FDPS: variants seen among roughly 807,000 people sequenced by gnomAD.
The protein encoded by FDPS is farnesyl pyrophosphate synthase.
Under a neutral mutation model 49.5 loss-of-function variants are expected in FDPS, and 29 were observed. The ratio of observed to expected loss-of-function variants is 0.59; its 90% CI spans 0.44 to 0.80. FDPS has a LOEUF of 0.80. Among genes scored for constraint, FDPS ranks in the 30% least tolerant of loss-of-function variants. FDPS has a pLI of 0.00. For missense variants in FDPS, 414 were observed against 525.6 expected, an observed-to-expected ratio of 0.79 and a Z score of 2.08; for synonymous variants, 172 against 206.4, an observed-to-expected ratio of 0.83 and a Z score of 1.43.
In FDPS at chr1:155,320,400, C is replaced by G; in HGVS notation, c.1060-9C>G. ...CAAGCCCGTTTTCCTGTCTTTCAAC[C>G]TCTTCCAGGAAAATTACGGGCAGAA... On this transcript the variant is annotated splice_polypyrimidine_tract_variant and intron_variant, in intron 10 of 10. Coordinates refer to ENST00000368356, the MANE Select transcript of FDPS (RefSeq NM_002004.4). 6.2e-7 allele frequency: 1 copy of G among 1,611,056 alleles called. No homozygotes were observed. The highest frequency in any genetic ancestry group is 8.5e-7 in the Non-Finnish European group (1 of 1,178,882).
chr1:155,309,067 C>T (rs1020536677), intron 1 of FDPS, 102 bp downstream of exon 1: 1 of 152,404 alleles, frequency 6.6e-6, no homozygotes, highest in Admixed American at 6.5e-5. Context: ...CTGTTGTGTC[C>T]GTTTTGAAGG....
At chr1:155,313,358 G>C (rs1316635758) in intron 4 of FDPS, among the ~76,000 whole-genome samples, 1 of 152,210 alleles carries the variant, frequency 6.6e-6, no homozygotes, top group Non-Finnish European at 1.5e-5. Context: ...TAGTGGCAGG[G>C]GGACTGGGTT....
At position 155,319,897 on chromosome 1, in the gene FDPS, G is replaced by A. The variant is rs1553235041; in HGVS notation, c.1028G>A (p.Arg343Gln). 8 of 1,614,170 alleles carry A rather than the reference G, an allele frequency of 5.0e-6. No individual in the cohort carries two copies. Among genetic ancestry groups the A allele is most frequent in the Non-Finnish European group, 6.8e-6 (8 of 1,180,026 alleles). The change falls in exon 10 of 11, where the codon CGG (arginine) becomes CAG (glutamine). Residue 343 changes from arginine to glutamine, a missense_variant. Coordinates refer to ENST00000368356, the MANE Select transcript of FDPS (RefSeq NM_002004.4). The stretch of plus-strand genomic sequence containing the variant: ...TGGCTGGTGGTTCAGTGTCTGCAAC[G>A]GGCCACTCCAGAACAGTACCAGATC... ...CSWLVVQCLQ[R>Q]ATPEQYQILK...
chr1:155,312,979 C>CAAAAAAAAAAAAAAAAAAAAAAAAAAAA (rs755919439), intron 4 of FDPS: 1 of 40,568 alleles, frequency 2.5e-5, no homozygotes, highest in Non-Finnish European at 5.1e-5. Context: ...AACTCCATCT[C>CAAAAAAAAAAAAAAAAAAAAAAAAAAAA]AAAAAAAAAA....
intron 3 of FDPS, among the ~76,000 whole-genome samples, chr1:155,311,283 G>C (rs192297578): frequency 6.6e-6 from 1 of 152,202 alleles, no homozygotes; most frequent in Non-Finnish European, 1.5e-5. Flanking sequence ...AGGTTGCAGT[G>C]AGCCGTGATT....
At chr1:155,313,855 G>C (rs1325784730) in intron 4 of FDPS, among the ~76,000 whole-genome samples, 3 of 152,000 alleles carry the variant, frequency 2.0e-5, no homozygotes, top group Admixed American at 2.0e-4. Context: ...GTCTCTCTCT[G>C]TTGCCCAGGC....
chr1:155,311,619 C>T (rs1648806027), intron 3 of FDPS, among the ~76,000 whole-genome samples: 1 of 152,050 alleles, frequency 6.6e-6, no homozygotes, highest in Admixed American at 6.6e-5. Flanking sequence ...TGGGGAGGGA[C>T]CTGAACAAGC....
chr1:155,312,722 T>A, intron 4 of FDPS: 2 of 222,468 alleles, frequency 9.0e-6, no homozygotes, highest in Non-Finnish European at 1.8e-5. Context: ...GGCTGACACC[T>A]GCAATCCCAG....
In FDPS at chr1:155,312,657, T is replaced by C. The variant is rs556627740; in HGVS notation, c.480+262T>C. On this transcript the variant is annotated intron_variant, in intron 4 of 10. Coordinates refer to ENST00000368356, the MANE Select transcript of FDPS (RefSeq NM_002004.4). ...CGAGACTGGGCAGAGAGGTGTCAGC[T>C]CTTTCCTCTGAGCAGAGGATGGCTA... The C allele has an allele frequency of 7.5e-6, 3 of 398,408 alleles. No homozygotes were observed. The East Asian group carries it at 1.3e-4, about 17-fold the overall frequency. The allele number at this position is 398,408 out of a possible 1,614,324, so 24.7% of individuals were successfully genotyped here.
intron 1 of FDPS, 140 bp downstream of exon 1, chr1:155,309,105 A>G (rs1167674624): frequency 6.6e-6 from 1 of 152,402 alleles, no homozygotes; most frequent in African/African-American, 2.4e-5. Context: ...CTGGCCTTCT[A>G]GGGGTGTGGA....
intron 3 of FDPS, 193 bp downstream of exon 3, chr1:155,310,398 C>T (rs1648676148): frequency 1.7e-6 from 1 of 571,670 alleles, no homozygotes; most frequent in Non-Finnish European, 3.1e-6. Context: ...GCAACCTCCA[C>T]CTCCTGGGTT....
chr1:155,318,326 G>T lies in FDPS; in HGVS notation c.684+35G>T, dbSNP rs1572096127. On this transcript the variant is annotated intron_variant, in intron 6 of 10. Transcript: ENST00000368356. This position sits in a 1 kb window ranked among gnomAD's most constrained non-coding sequence, Gnocchi z 4.2. ...AGACAGGGCCCGATGCCCAGAGGGT[G>T]CCCATGGTAGCCTTGGCCTCTATAG... The T allele has an allele frequency of 6.2e-7, 1 of 1,604,318 alleles. No homozygotes were observed. Among genetic ancestry groups the T allele is most frequent in the African/African-American group, 1.3e-5 (1 of 75,028 alleles).
intron 4 of FDPS, chr1:155,312,845 G>A (rs1244533099): frequency 1.3e-5 from 2 of 158,288 alleles, no homozygotes; most frequent in Admixed American, 6.1e-5. Context: ...TGGATGTGGT[G>A]GCACATGCCT....
chr1:155,310,911 G>A (rs983381359), intron 3 of FDPS, among the ~76,000 whole-genome samples: 1 of 152,114 alleles, frequency 6.6e-6, no homozygotes, highest in Admixed American at 6.5e-5. Context: ...ATGAACTATT[G>A]CTGTGATACT....
chr1:155,312,585 G>T, intron 4 of FDPS, 190 bp downstream of exon 4: 1 of 608,946 alleles, frequency 1.6e-6, no homozygotes, highest in East Asian at 2.8e-5. Flanking sequence ...TTGGCATTAG[G>T]TATGAAGATG....
At chr1:155,311,209 C>T (rs1257537342) in intron 3 of FDPS, among the ~76,000 whole-genome samples, 3 of 152,052 alleles carry the variant, frequency 2.0e-5, no homozygotes, top group African/African-American at 4.8e-5. Flanking sequence ...CGTGGTGGCG[C>T]CCACATGTAG....
In FDPS at chr1:155,320,421, CAGA is replaced by C. The variant is rs771519284; in HGVS notation, c.1075_1077del (p.Lys359del). 3.1e-4 allele frequency: 500 copies of C among 1,613,092 alleles called. No individual in the cohort carries two copies. The highest frequency in any genetic ancestry group is 4.0e-4 in the Non-Finnish European group (469 of 1,179,854). Reference sequence around the variant, plus strand: ...CAACCTCTTCCAGGAAAATTACGGGCAGAAGGAGGCTGAGAAAGTGGCCCGGGT... The same window carrying C: ...CAACCTCTTCCAGGAAAATTACGGGCAGGAGGCTGAGAAAGTGGCCCGGGT... On this transcript the variant is annotated inframe_deletion, in exon 11 of 11. Coordinates refer to ENST00000368356, the MANE Select transcript of FDPS (RefSeq NM_002004.4).
At chr1:155,314,727 C>G (rs1011310469) in intron 4 of FDPS, among the ~76,000 whole-genome samples, 6 of 151,432 alleles carry the variant, frequency 4.0e-5, no homozygotes, top group Non-Finnish European at 7.4e-5. Flanking sequence ...CTGCCTGCCT[C>G]GGCCTCCCAG....
At chr1:155,320,262 G>T in intron 10 of FDPS, 147 bp from the exon 11 acceptor site, 2 of 711,876 alleles carry the variant, frequency 2.8e-6, no homozygotes, top group Non-Finnish European at 4.8e-6. Flanking sequence ...TGGGATTTTA[G>T]CTACGTAGAG....
Sources: gnomAD v4.1 joint callset for allele counts (sites outside exome capture counted in the v4.1 genomes callset) on GRCh38, gnomAD v4.1.1 for gene constraint, Gnocchi (gnomAD v3.1) non-coding constraint, MANE v1.5 for transcripts, NCBI Gene and HGNC (gene_info 2026-07-23, HGNC 2026-07-21) for gene names.